GTF2F2: variants seen among roughly 807,000 people sequenced by gnomAD.
GTF2F2 encodes the protein ATP-dependent helicase GTF2F2.
Under a neutral mutation model 42.2 loss-of-function variants are expected in GTF2F2, and 23 were observed. The observed-to-expected ratio is 0.55, with a 90% CI of 0.39 to 0.77. GTF2F2 has a LOEUF of 0.77. Among genes scored for constraint, GTF2F2 ranks in the 30% least tolerant of loss-of-function variants. GTF2F2 has a pLI of 0.00. For missense variants in GTF2F2, 261 were observed against 287.2 expected (o/e 0.91, Z 0.66); for synonymous variants, 105 against 100.8 (o/e 1.04, Z -0.25).
In GTF2F2 at chr13:45,212,452, TTTC is replaced by T. The variant is rs370014950; in HGVS notation, c.386+4950_386+4952del. Among the ~76,000 whole-genome samples the T allele has an allele frequency of 4.9e-4, 12 of 24,580 alleles. 1 individual carries two copies. The highest frequency in any genetic ancestry group is 2.0e-3 in the African/African-American group (11 of 5,528). 16.1% of individuals were successfully genotyped at this position (24,580 alleles called of 152,430 possible). ...TCTTTCTTTCTTTCTTTCTTGTTTC[TTTC>T]TTTCTTTCTTTCTTTCTTTCTTTCT... On this transcript the variant is annotated intron_variant, in intron 5 of 7. Transcript: ENST00000340473.
At chr13:45,152,984 T>C (rs1870568689) in intron 4 of GTF2F2, among the ~76,000 whole-genome samples, 2 of 151,846 alleles carry the variant, frequency 1.3e-5, no homozygotes, top group South Asian at 4.2e-4. Flanking sequence ...AGAACACCAT[T>C]GTTTAAAAAA....
At chr13:45,217,869 C>CT (rs1194451448) in intron 5 of GTF2F2, among the ~76,000 whole-genome samples, 1 of 152,198 alleles carries the variant, frequency 6.6e-6, no homozygotes, top group African/African-American at 2.4e-5. Context: ...TTAGCAATGT[C>CT]TGTCTTTAGG....
intron 4 of GTF2F2, among the ~76,000 whole-genome samples, chr13:45,197,061 C>G (rs1220114915): frequency 1.3e-5 from 2 of 151,910 alleles, no homozygotes; most frequent in East Asian, 1.9e-4. Flanking sequence ...CTCTGGTGTT[C>G]TTCTGCAAAG....
At chr13:45,283,402 T>C in intron 7 of GTF2F2, 40 bp from the exon 8 acceptor site, 1 of 1,573,726 alleles carries the variant, frequency 6.4e-7, no homozygotes, top group Non-Finnish European at 8.6e-7. Context: ...GTCCCCTGCA[T>C]TTATAATCTC....
chr13:45,164,101 G>A (rs1241316324), intron 4 of GTF2F2, among the ~76,000 whole-genome samples: 4 of 152,110 alleles, frequency 2.6e-5, no homozygotes, highest in East Asian at 1.9e-4. Context: ...CCAACTTGGC[G>A]AAACCCCGTC....
At position 45,142,481 on chromosome 13, in the gene GTF2F2, A is replaced by T. The variant is rs115145969; in HGVS notation, c.140+5675A>T. 6.4e-3 allele frequency among the ~76,000 whole-genome samples: 972 copies of T among 152,262 alleles called. 10 individuals are homozygous for T. Among genetic ancestry groups the T allele is most frequent in the African/African-American group, 0.022 (933 of 41,558 alleles). ...CCACGTCTGGCCCTCAGAATTTCTT[A>T]AAAGGGAATCTAGTGGTTTTTACCT... is the stretch of plus-strand genomic sequence containing the variant. On this transcript the variant is annotated intron_variant, in intron 2 of 7. Transcript: ENST00000340473.
intron 4 of GTF2F2, among the ~76,000 whole-genome samples, chr13:45,203,422 G>A (rs1435383021): frequency 6.6e-6 from 1 of 151,968 alleles, no homozygotes; most frequent in Non-Finnish European, 1.5e-5. Context: ...TGGTTTCTTT[G>A]AAAAGGAGCA....
chr13:45,270,564 C>A (rs557166935), intron 7 of GTF2F2, among the ~76,000 whole-genome samples: 7 of 152,202 alleles, frequency 4.6e-5, no homozygotes, highest in African/African-American at 1.7e-4. Context: ...TATGAATGGG[C>A]AGAACCCCCA....
intron 5 of GTF2F2, among the ~76,000 whole-genome samples, chr13:45,235,427 G>C (rs1257744409): frequency 1.3e-5 from 2 of 151,396 alleles, no homozygotes; most frequent in Admixed American, 6.6e-5. Flanking sequence ...GGATAGGCTT[G>C]AGTTTTCTTC....
At chr13:45,170,868 G>A (rs1871561038) in intron 4 of GTF2F2, among the ~76,000 whole-genome samples, 1 of 152,130 alleles carries the variant, frequency 6.6e-6, no homozygotes, top group South Asian at 2.1e-4. Context: ...AAAGCCCAGT[G>A]AAGGTAGTAG....
At chr13:45,244,335 A>G (rs1379819541) in intron 5 of GTF2F2, among the ~76,000 whole-genome samples, 2 of 152,202 alleles carry the variant, frequency 1.3e-5, no homozygotes, top group African/African-American at 4.8e-5. Flanking sequence ...GAAAAATCCA[A>G]TTTTGTTTTG....
chr13:45,259,799 A>T (rs900050120), intron 6 of GTF2F2, among the ~76,000 whole-genome samples: 1 of 151,882 alleles, frequency 6.6e-6, no homozygotes, highest in Non-Finnish European at 1.5e-5. Context: ...CTGGGACTAC[A>T]GGCGCCCGCC....
rs912557966 is a variant in GTF2F2 at position 45,244,786 on chromosome 13, T to C, written c.387-8085T>C. On this transcript the variant is annotated intron_variant, in intron 5 of 7. Coordinates refer to ENST00000340473, the MANE Select transcript of GTF2F2 (RefSeq NM_004128.3). ...CCTGGGTTCAAGCGATTCTCCTGCCTCAGCATCCTGAGTAGCTGGGATTAC... is the reference window on the plus strand; with the variant it reads ...CCTGGGTTCAAGCGATTCTCCTGCCCCAGCATCCTGAGTAGCTGGGATTAC... Among the ~76,000 whole-genome samples, 4 of 152,340 alleles carry C rather than the reference T, an allele frequency of 2.6e-5. No homozygotes were observed. In the South Asian group the frequency reaches 8.3e-4, roughly 32 times the overall value.
intron 4 of GTF2F2, among the ~76,000 whole-genome samples, chr13:45,201,137 T>C (rs1477097813): frequency 6.6e-6 from 1 of 152,222 alleles, no homozygotes; most frequent in African/African-American, 2.4e-5. Context: ...TGCTTGCTTA[T>C]TCCTTTAACT....
chr13:45,212,639 C>G (rs553927464), intron 5 of GTF2F2, among the ~76,000 whole-genome samples: 1 of 151,670 alleles, frequency 6.6e-6, no homozygotes, highest in East Asian at 1.9e-4. Context: ...GATCTCCGCT[C>G]ACTCCAGCCT....
At chr13:45,144,425 T>A (rs1375591569) in intron 2 of GTF2F2, among the ~76,000 whole-genome samples, 1 of 151,550 alleles carries the variant, frequency 6.6e-6, no homozygotes, top group East Asian at 1.9e-4. Flanking sequence ...CTCCCCGAGA[T>A]TTTTATTTCT....
chr13:45,280,199 G>A (rs188442987), intron 7 of GTF2F2, among the ~76,000 whole-genome samples: 26 of 152,350 alleles, frequency 1.7e-4, no homozygotes, highest in Admixed American at 1.6e-3. Flanking sequence ...GCATGCGTGA[G>A]GGGGAGTGTT....
chr13:45,280,040 C>G (rs1206745371), intron 7 of GTF2F2, among the ~76,000 whole-genome samples: 2 of 151,874 alleles, frequency 1.3e-5, no homozygotes, highest in Non-Finnish European at 2.9e-5. Flanking sequence ...TAAGGTAAGG[C>G]TGTTAGAGAA....
intron 4 of GTF2F2, among the ~76,000 whole-genome samples, chr13:45,167,525 G>A (rs1340317515): frequency 6.6e-6 from 1 of 151,088 alleles, no homozygotes; most frequent in Non-Finnish European, 1.5e-5. Context: ...AGCCTCCCAA[G>A]TAGCTGGGAC....
Sources: allele counts gnomAD v4.1 joint callset (sites outside exome capture counted in the v4.1 genomes callset), GRCh38; gene constraint gnomAD v4.1.1; transcripts MANE v1.5; gene names NCBI Gene and HGNC (gene_info 2026-07-23, HGNC 2026-07-21).